OPCML: variants seen among roughly 807,000 people sequenced by gnomAD.
OPCML encodes opioid-binding protein/cell adhesion molecule.
Under a neutral mutation model 37.8 loss-of-function variants are expected in OPCML, and 13 were observed. The ratio of observed to expected loss-of-function variants is 0.34; its 90% CI spans 0.22 to 0.55. OPCML has a LOEUF of 0.55. OPCML is among the 20% of genes least tolerant of loss of function. The pLI, the probability that OPCML is intolerant of heterozygous loss-of-function variation, is 0.91. For missense variants in OPCML, 341 were observed against 435.6 expected (o/e 0.78, Z 1.93); for synonymous variants, 176 against 168.8 (o/e 1.04, Z -0.33).
chr11:133,464,175 A>G (rs368823682), intron 1 of OPCML, among the ~76,000 whole-genome samples: 160 of 152,254 alleles, frequency 1.1e-3, no homozygotes, highest in African/African-American at 3.7e-3. Context: ...ATTCTTTAAC[A>G]CCTGAAAATG....
intron 2 of OPCML, among the ~76,000 whole-genome samples, chr11:132,734,802 T>C (rs759223847): frequency 2.0e-5 from 3 of 152,156 alleles, no homozygotes; most frequent in Non-Finnish European, 4.4e-5. Flanking sequence ...AGGATATTGA[T>C]GAATGTTACA....
intron 3 of OPCML, among the ~76,000 whole-genome samples, chr11:132,604,319 C>T (rs539630629): frequency 6.6e-6 from 1 of 152,006 alleles, no homozygotes; most frequent in East Asian, 1.9e-4. Flanking sequence ...TGCCTTGCTT[C>T]TGTTTTCCTC....
chr11:133,115,026 G>T (rs566486857), intron 1 of OPCML, among the ~76,000 whole-genome samples: 6 of 152,212 alleles, frequency 3.9e-5, no homozygotes, highest in Non-Finnish European at 5.9e-5. Context: ...ACTGGATCAT[G>T]TAGGATTTTA....
intron 1 of OPCML, among the ~76,000 whole-genome samples, chr11:133,213,312 A>G (rs1291122055): frequency 6.6e-6 from 1 of 151,698 alleles, no homozygotes; most frequent in Non-Finnish European, 1.5e-5. Flanking sequence ...GATGACCTTA[A>G]TAGAGCAATA....
chr11:133,335,060 C>A (rs937418008), intron 1 of OPCML, among the ~76,000 whole-genome samples: 1 of 152,212 alleles, frequency 6.6e-6, no homozygotes, highest in African/African-American at 2.4e-5. Context: ...GGGGCTGTCC[C>A]ATGCCTGTGT....
intron 1 of OPCML, among the ~76,000 whole-genome samples, chr11:132,947,329 T>C (rs941678850): frequency 3.3e-5 from 5 of 152,226 alleles, no homozygotes; most frequent in African/African-American, 9.6e-5. Context: ...AGTCTTGCTC[T>C]TGCAAAGAAA....
intron 3 of OPCML, among the ~76,000 whole-genome samples, chr11:132,632,241 ATTTTTT>A (rs67176157): frequency 0.016 from 1,812 of 111,572 alleles, 19 homozygotes; most frequent in South Asian, 0.022. Flanking sequence ...ATTCAAACAC[ATTTTTT>A]TTTTTTTTTT....
At chr11:132,890,865 A>G (rs1943617725) in intron 2 of OPCML, among the ~76,000 whole-genome samples, 2 of 149,970 alleles carry the variant, frequency 1.3e-5, no homozygotes, top group African/African-American at 2.4e-5. Context: ...TCAAAAAAAA[A>G]AAAAAAAAGA....
chr11:133,457,121 C>T (rs975669391), intron 1 of OPCML, among the ~76,000 whole-genome samples: 12 of 152,262 alleles, frequency 7.9e-5, no homozygotes, highest in South Asian at 2.1e-4. Flanking sequence ...AGGAAAGTGA[C>T]GTGTCATGTA....
chr11:133,384,928 C>A (rs1401282416), intron 1 of OPCML, among the ~76,000 whole-genome samples: 2 of 152,246 alleles, frequency 1.3e-5, no homozygotes, highest in Non-Finnish European at 2.9e-5. Flanking sequence ...CAAAGCAAAG[C>A]ACTGCGTTGG....
At chr11:132,979,335 C>T (rs1177208824) in intron 1 of OPCML, among the ~76,000 whole-genome samples, 5 of 152,198 alleles carry the variant, frequency 3.3e-5, no homozygotes, top group Admixed American at 6.5e-5. Flanking sequence ...CCTCGTGTGA[C>T]GTGGCTCCTC....
chr11:132,702,620 T>G (rs1035293940), intron 2 of OPCML, among the ~76,000 whole-genome samples: 1 of 152,150 alleles, frequency 6.6e-6, no homozygotes, highest in African/African-American at 2.4e-5. Context: ...ATTTGGGAAG[T>G]TTTTTGTCAT....
At chr11:132,759,127 GC>G (rs1306663780) in intron 2 of OPCML, among the ~76,000 whole-genome samples, 20 of 152,164 alleles carry the variant, frequency 1.3e-4, no homozygotes, top group African/African-American at 4.6e-4. Flanking sequence ...TGTTGAACCA[GC>G]CTTGCATACC....
intron 4 of OPCML, among the ~76,000 whole-genome samples, chr11:132,503,223 C>A (rs1399798452): frequency 6.6e-6 from 1 of 152,130 alleles, no homozygotes; most frequent in African/African-American, 2.4e-5. Flanking sequence ...TTTATTGGAA[C>A]TTTGAGGCTA....
chr11:132,989,413 T>A (rs1946734785), intron 1 of OPCML, among the ~76,000 whole-genome samples: 2 of 152,130 alleles, frequency 1.3e-5, no homozygotes. Flanking sequence ...GTCCTATTTA[T>A]GAAGATGAAA....
chr11:132,915,308 G>A (rs561667367), intron 2 of OPCML, among the ~76,000 whole-genome samples: 37 of 152,166 alleles, frequency 2.4e-4, no homozygotes, highest in Non-Finnish European at 4.7e-4. Flanking sequence ...TTTACCTCCC[G>A]GTGAGGCATG....
intron 3 of OPCML, among the ~76,000 whole-genome samples, chr11:132,530,374 T>C (rs748625452): frequency 1.3e-5 from 2 of 152,208 alleles, no homozygotes; most frequent in Admixed American, 6.5e-5. Flanking sequence ...ACCACTGTCC[T>C]GGTTGTTTCT....
At chr11:133,385,962 G>C (rs1474834756) in intron 1 of OPCML, among the ~76,000 whole-genome samples, 1 of 151,646 alleles carries the variant, frequency 6.6e-6, no homozygotes, top group Non-Finnish European at 1.5e-5. Flanking sequence ...GCAACACTCT[G>C]TGTGGCCCAG....
At chr11:133,237,836 G>A (rs61210661) in intron 1 of OPCML, among the ~76,000 whole-genome samples, 1 of 152,114 alleles carries the variant, frequency 6.6e-6, no homozygotes, top group Non-Finnish European at 1.5e-5. Context: ...CAGGTGCAGA[G>A]TTGGAACTAG....
Sources: gnomAD v4.1 joint callset for allele counts (sites outside exome capture counted in the v4.1 genomes callset) on GRCh38, gnomAD v4.1.1 for gene constraint, MANE v1.5 for transcripts, NCBI Gene and HGNC (gene_info 2026-07-23, HGNC 2026-07-21) for gene names.